The following CIMAP3 variants were observed in gnomAD, a reference collection of about 807,000 sequenced individuals.
CIMAP3 encodes ciliary microtubule associated protein 3.
At chr1:111,332,813 A>T in the CIMAP3 span, among the ~76,000 whole-genome samples, 1 of 152,166 alleles carries the variant, frequency 6.6e-6, no homozygotes, top group Non-Finnish European at 1.5e-5. Context: ...TCTGAGGCCC[A>T]GAACATGAGC....
chr1:111,347,618 C>CTTTTTTTTTTTTTTTTTTTTTTTGTT, the CIMAP3 span: 1 of 928,430 alleles, frequency 1.1e-6, no homozygotes, highest in South Asian at 1.9e-5. Flanking sequence ...GTTGTTTTTT[C>CTTTTTTTTTTTTTTTTTTTTTTTGTT]TTTCTTTTTT....
the CIMAP3 span, among the ~76,000 whole-genome samples, chr1:111,338,634 C>A: frequency 5.9e-5 from 9 of 152,266 alleles, no homozygotes; most frequent in South Asian, 1.0e-3. Flanking sequence ...GACACATACA[C>A]TCTCCCGAGA....
At chr1:111,343,844 G>A in the CIMAP3 span, among the ~76,000 whole-genome samples, 2 of 152,140 alleles carry the variant, frequency 1.3e-5, no homozygotes, top group African/African-American at 4.8e-5. Flanking sequence ...TGAGTATACT[G>A]GGATCTTTAT....
At chr1:111,336,191 A>G in the CIMAP3 span, among the ~76,000 whole-genome samples, 2 of 152,154 alleles carry the variant, frequency 1.3e-5, no homozygotes. Flanking sequence ...CACACCAAAA[A>G]CCCATCTGCA....
chr1:111,350,213 TA>T, the CIMAP3 span: 3 of 1,609,338 alleles, frequency 1.9e-6, no homozygotes, highest in African/African-American at 4.0e-5. Flanking sequence ...AAAAGAACCC[TA>T]AAAGCTGAGG....
At chr1:111,351,311 G>T in the CIMAP3 span, 1 of 1,582,586 alleles carries the variant, frequency 6.3e-7, no homozygotes, top group African/African-American at 1.4e-5. Flanking sequence ...GCCTACCTAA[G>T]CCTGTATTAT....
At chr1:111,333,568 T>C in the CIMAP3 span, among the ~76,000 whole-genome samples, 1 of 152,118 alleles carries the variant, frequency 6.6e-6, no homozygotes, top group Non-Finnish European at 1.5e-5. Context: ...GCACTGTAGG[T>C]GTTTGTGGTG....
At chr1:111,347,856 G>A in the CIMAP3 span, 4 of 944,126 alleles carry the variant, frequency 4.2e-6, no homozygotes, top group Non-Finnish European at 6.7e-6. Flanking sequence ...AGAGGGGGGT[G>A]ATCTAAAAGA....
At chr1:111,330,025 A>C in the CIMAP3 span, among the ~76,000 whole-genome samples, 151,691 of 152,292 alleles carry the variant, frequency 1, 75,546 homozygotes, top group East Asian at 1. Flanking sequence ...TGTATTGTGG[A>C]TCTGTCAGAT....
At chr1:111,350,218 G>T in the CIMAP3 span, 1 of 1,604,940 alleles carries the variant, frequency 6.2e-7, no homozygotes, top group South Asian at 1.1e-5. Context: ...AACCCTAAAA[G>T]CTGAGGTAAT....
the CIMAP3 span, among the ~76,000 whole-genome samples, chr1:111,329,987 A>G: frequency 6.8e-6 from 1 of 146,616 alleles, no homozygotes; most frequent in South Asian, 2.3e-4. Flanking sequence ...TTCTGGTGTC[A>G]ATATTTGTGA....
the CIMAP3 span, among the ~76,000 whole-genome samples, chr1:111,343,662 C>T: frequency 1.3e-5 from 2 of 152,206 alleles, no homozygotes; most frequent in East Asian, 3.8e-4. Flanking sequence ...GATGGTTATA[C>T]AGGAGATACA....
the CIMAP3 span, among the ~76,000 whole-genome samples, chr1:111,340,357 G>T: frequency 1.3e-5 from 2 of 151,892 alleles, no homozygotes; most frequent in Non-Finnish European, 2.9e-5. Flanking sequence ...TTGACAAATG[G>T]GATCTAATTA....
the CIMAP3 span, among the ~76,000 whole-genome samples, chr1:111,328,944 A>G: frequency 6.6e-6 from 1 of 152,176 alleles, no homozygotes; most frequent in Non-Finnish European, 1.5e-5. Context: ...TTACAATTAC[A>G]CTGGTCTGTG....
At chr1:111,348,901 A>G in the CIMAP3 span, 2 of 299,664 alleles carry the variant, frequency 6.7e-6, no homozygotes, top group African/African-American at 2.2e-5. Context: ...CACTAAATCC[A>G]TCACACAAGG....
the CIMAP3 span, chr1:111,352,062 C>G: frequency 6.6e-6 from 1 of 152,108 alleles, no homozygotes; most frequent in Non-Finnish European, 1.5e-5. Flanking sequence ...ATCTGAATGA[C>G]CCCCTAGAAC....
chr1:111,329,040 C>G, the CIMAP3 span, among the ~76,000 whole-genome samples: 4 of 152,126 alleles, frequency 2.6e-5, no homozygotes, highest in Non-Finnish European at 5.9e-5. Context: ...TAAGGCAGAC[C>G]TGGTAATGAA....
the CIMAP3 span, among the ~76,000 whole-genome samples, chr1:111,346,063 G>A: frequency 8.6e-4 from 130 of 152,020 alleles, no homozygotes; most frequent in African/African-American, 2.9e-3. Flanking sequence ...CATTCTACCC[G>A]GTCCACGCAA....
the CIMAP3 span, among the ~76,000 whole-genome samples, chr1:111,340,581 A>C: frequency 0.12 from 17,624 of 152,192 alleles, 1,165 homozygotes; most frequent in Non-Finnish European, 0.15. Flanking sequence ...GAAGACATTT[A>C]TGCAGCCAAA....
Sources: gnomAD v4.1 joint callset for allele counts (sites outside exome capture counted in the v4.1 genomes callset) on GRCh38, gnomAD v4.1.1 for gene constraint, MANE v1.5 for transcripts, NCBI Gene and HGNC (gene_info 2026-07-23, HGNC 2026-07-21) for gene names.